MOBP: variants seen among roughly 807,000 people sequenced by gnomAD.
The protein encoded by MOBP is myelin associated oligodendrocyte basic protein, also known as myelin-associated oligodendrocyte basic protein.
A neutral mutation model predicts 15.0 loss-of-function variants in MOBP; 5 were observed. That is an observed-to-expected ratio of 0.33 (90% CI 0.17 to 0.70). The LOEUF (loss-of-function observed/expected upper bound fraction) is 0.70. Among genes scored for constraint, MOBP ranks in the 30% least tolerant of loss-of-function variants. The probability of loss-of-function intolerance (pLI) is 0.67; values close to 1 mark genes in which losing one functional copy is unlikely to be tolerated. For synonymous variants in MOBP, 88 were observed against 99.0 expected (o/e 0.89, Z 0.66); for missense variants, 188 against 257.8 (o/e 0.73, Z 1.85).
In MOBP at chr3:39,509,962, A is replaced by G. The variant is rs890168109; in HGVS notation, c.*-3421A>G. 2.0e-5 allele frequency among the ~76,000 whole-genome samples: 3 copies of G among 152,244 alleles called. No individual in the cohort carries two copies. In the East Asian group the frequency reaches 5.8e-4, roughly 29 times the overall value. On this transcript the variant is annotated intron_variant, in intron 4 of 4. Transcript: ENST00000311042. ...TTTAAATTCTAGGTTTTACTTTTAC[A>G]GTATTATCCATTTTAAGTTAATTTT... is the stretch of plus-strand genomic sequence containing the variant.
intron 1 of MOBP, among the ~76,000 whole-genome samples, chr3:39,468,716 G>A (rs147834332): frequency 0.012 from 997 of 83,660 alleles, 17 homozygotes; most frequent in African/African-American, 0.073. Flanking sequence ...ATATGTGTGT[G>A]TATATACATA....
At chr3:39,475,168 A>G (rs2042527990) in intron 1 of MOBP, among the ~76,000 whole-genome samples, 1 of 152,058 alleles carries the variant, frequency 6.6e-6, no homozygotes, top group Non-Finnish European at 1.5e-5. Context: ...AGTGTCCTTC[A>G]ATTTGAATTT....
At chr3:39,482,651 CAAA>C (rs10576821) in intron 2 of MOBP, among the ~76,000 whole-genome samples, 12 of 80,366 alleles carry the variant, frequency 1.5e-4, no homozygotes, top group Admixed American at 2.8e-4. Flanking sequence ...CACTCTGTCT[CAAA>C]AAAAAAAAAA....
intron 3 of MOBP, among the ~76,000 whole-genome samples, chr3:39,521,112 C>T (rs149279680): frequency 3.6e-4 from 55 of 152,070 alleles, no homozygotes; most frequent in African/African-American, 1.3e-3. Flanking sequence ...CCACACCCAG[C>T]GAATTTTTTG....
chr3:39,487,596 T>C (rs1456773897), intron 2 of MOBP, among the ~76,000 whole-genome samples: 1 of 148,106 alleles, frequency 6.8e-6, no homozygotes, highest in East Asian at 2.0e-4. Context: ...TGATCTCTGC[T>C]CACTGCAAGC....
rs544641929 is a variant in MOBP, at chr3:39,496,693, C to T, written c.-4-5373C>T. 1.2e-4 allele frequency among the ~76,000 whole-genome samples: 18 copies of T among 149,078 alleles called. No homozygotes were observed. The South Asian group carries it at 2.8e-3, about 23-fold the overall frequency. ...TTTTCTTTTTTTTGAGACGGAGTTT[C>T]GCTCTTGTTGCCCAGGCTGGATTGC... On this transcript the variant is annotated intron_variant, in intron 2 of 3. Coordinates refer to ENST00000684792, the MANE Select transcript of MOBP (RefSeq NM_001393704.1).
intron 2 of MOBP, among the ~76,000 whole-genome samples, chr3:39,490,725 G>A (rs140276195): frequency 2.6e-5 from 4 of 152,226 alleles, no homozygotes; most frequent in Non-Finnish European, 4.4e-5. Flanking sequence ...ACCACCCTTG[G>A]CTAATTTTTG....
At chr3:39,469,408 T>C (rs1289206112) in intron 1 of MOBP, among the ~76,000 whole-genome samples, 1 of 151,302 alleles carries the variant, frequency 6.6e-6, no homozygotes, top group Non-Finnish European at 1.5e-5. Context: ...TTAATTGGAA[T>C]TAATTAAAAT....
intron 4 of MOBP, among the ~76,000 whole-genome samples, chr3:39,508,489 A>G (rs1399586948): frequency 6.6e-6 from 1 of 151,470 alleles, no homozygotes; most frequent in Non-Finnish European, 1.5e-5. Context: ...ATTATGTAAT[A>G]TTATAGCCTT....
downstream of MOBP, among the ~76,000 whole-genome samples, chr3:39,516,987 GC>G (rs1013255588): frequency 6.6e-6 from 1 of 152,166 alleles, no homozygotes; most frequent in African/African-American, 2.4e-5. Flanking sequence ...GGCTGGAGGG[GC>G]CCTGGGAGGG....
At chr3:39,511,884 G>A (rs1302752387) in intron 4 of MOBP, among the ~76,000 whole-genome samples, 1 of 152,068 alleles carries the variant, frequency 6.6e-6, no homozygotes, top group African/African-American at 2.4e-5. Context: ...GAAAAAAAAA[G>A]GCATGAATTG....
At chr3:39,518,247 G>A (rs1316802010), downstream of MOBP, among the ~76,000 whole-genome samples, 2 of 152,274 alleles carry the variant, frequency 1.3e-5, no homozygotes, top group Non-Finnish European at 1.5e-5. Context: ...TTTTGTAGAG[G>A]GAAAGGTAAA....
chr3:39,468,085 T>C (rs1342000114), intron 1 of MOBP, among the ~76,000 whole-genome samples: 1 of 137,784 alleles, frequency 7.3e-6, no homozygotes, highest in South Asian at 2.3e-4. Flanking sequence ...TGCTGCTTTT[T>C]TTTTTTTAAT....
intron 2 of MOBP, among the ~76,000 whole-genome samples, chr3:39,484,521 C>T (rs374175939): frequency 1.5e-4 from 23 of 152,072 alleles, no homozygotes; most frequent in African/African-American, 4.8e-4. Context: ...CCAGCTGGGC[C>T]CGCCTGTCCC....
intron 3 of MOBP, among the ~76,000 whole-genome samples, chr3:39,522,057 T>C (rs2043275461): frequency 6.6e-6 from 1 of 152,176 alleles, no homozygotes; most frequent in East Asian, 1.9e-4. Context: ...ACAGCAGCTA[T>C]TGCTTCTCCA....
At chr3:39,519,282 G>A (rs1007184287), downstream of MOBP, among the ~76,000 whole-genome samples, 7 of 152,042 alleles carry the variant, frequency 4.6e-5, no homozygotes, top group African/African-American at 1.7e-4. Flanking sequence ...TTCTCTTGGG[G>A]CTTATGAGCT....
At chr3:39,522,034 A>T (rs139998080) in intron 3 of MOBP, among the ~76,000 whole-genome samples, 1 of 152,204 alleles carries the variant, frequency 6.6e-6, no homozygotes, top group Non-Finnish European at 1.5e-5. Context: ...CTCACCAGAA[A>T]TAGGAGTTGA....
chr3:39,502,151 C>T lies in MOBP; in HGVS notation c.82C>T (p.Pro28Ser). The change falls in exon 3 of 4, where the codon CCG becomes TCG. Residue 28 changes from proline to serine, a missense_variant. By Grantham distance (74) the Pro-to-Ser change is moderately conservative. Transcript: ENST00000684792. This position sits in a 1 kb window ranked among gnomAD's most constrained non-coding sequence, Gnocchi z 6.3. Reference sequence around the variant, plus strand: ...CGAACACTTCAGCATACACTGCTGCCCGCCGTTCACCTTCCTCAATTCCAA... The same window carrying T: ...CGAACACTTCAGCATACACTGCTGCTCGCCGTTCACCTTCCTCAATTCCAA... ...YSEHFSIHCC[P>S]PFTFLNSKKE... 1 of 1,614,250 alleles carries T rather than the reference C, an allele frequency of 6.2e-7. No individual in the cohort carries two copies. Among genetic ancestry groups the T allele is most frequent in the Non-Finnish European group, 8.5e-7 (1 of 1,180,042 alleles).
intron 2 of MOBP, among the ~76,000 whole-genome samples, chr3:39,485,422 G>A (rs1380424919): frequency 1.3e-5 from 2 of 152,204 alleles, no homozygotes; most frequent in Non-Finnish European, 1.5e-5. Flanking sequence ...AGAGACTAAG[G>A]TCTCTACGGG....
Sources: gnomAD v4.1 joint callset for allele counts (sites outside exome capture counted in the v4.1 genomes callset) on GRCh38, gnomAD v4.1.1 for gene constraint, Gnocchi (gnomAD v3.1) non-coding constraint, MANE v1.5 for transcripts, NCBI Gene and HGNC (gene_info 2026-07-23, HGNC 2026-07-21) for gene names.